The following FASTKD1 variants were observed in gnomAD, a reference collection of about 807,000 sequenced individuals.
FASTKD1 encodes the protein FAST kinase domains 1, also known as FAST kinase domain-containing protein 1, mitochondrial.
In FASTKD1, 94 loss-of-function variants were observed where a neutral mutation model predicts 90.9. The observed-to-expected ratio is 1.03, with a 90% CI of 0.88 to 1.23. The LOEUF is 1.23. FASTKD1 is among the 50% of genes most tolerant of loss of function. FASTKD1 has a pLI of 0.00. For missense variants in FASTKD1, 945 were observed against 993.5 expected (o/e 0.95, Z 0.66); for synonymous variants, 319 against 345.8 (o/e 0.92, Z 0.86).
Position 169,537,233 on chromosome 2 carries a change from T to C in FASTKD1, c.2182A>G (p.Lys728Glu). Residue 728 changes from lysine (K) to glutamate (E), a missense_variant, in exon 12 of 15, where the codon AAA becomes GAA. Coordinates refer to ENST00000453153, the MANE Select transcript of FASTKD1 (RefSeq NM_024622.6). ...AACCTACCCAATAACTTACCTACTT[T>C]GTGGTAATAAGGCGTAAGAACCGAG... ...KASVLTPYYH[K>E]VDFECILDKR... 6.3e-7 allele frequency: 1 copy of C among 1,583,640 alleles called. No homozygotes were observed. Among genetic ancestry groups the C allele is most frequent in the Non-Finnish European group, 8.7e-7 (1 of 1,152,828 alleles).
intron 2 of FASTKD1, 128 bp from the exon 3 acceptor site, chr2:169,569,380 T>C: frequency 1.2e-6 from 1 of 814,892 alleles, no homozygotes; most frequent in Non-Finnish European, 2.0e-6. Context: ...TCCTTATTTC[T>C]GGTCCACTCT....
At chr2:169,530,937 T>G (rs1031461738) in intron 13 of FASTKD1, 3 of 695,696 alleles carry the variant, frequency 4.3e-6, no homozygotes, top group Non-Finnish European at 8.0e-6. Context: ...CCAATATATA[T>G]TTACACATGC....
At chr2:169,535,910 A>T (rs1485974574) in intron 12 of FASTKD1, among the ~76,000 whole-genome samples, 1 of 151,522 alleles carries the variant, frequency 6.6e-6, no homozygotes, top group Non-Finnish European at 1.5e-5. Flanking sequence ...AATCCTTCAA[A>T]CATTTTAAAA....
intron 2 of FASTKD1, chr2:169,571,354 G>C (rs2105446689): frequency 5.9e-6 from 1 of 169,970 alleles, no homozygotes. Flanking sequence ...ACAAGGTCAG[G>C]AGATCAAGAC....
chr2:169,534,563 G>T (rs999238291), intron 12 of FASTKD1, among the ~76,000 whole-genome samples: 2 of 148,984 alleles, frequency 1.3e-5, no homozygotes, highest in Non-Finnish European at 3.0e-5. Context: ...GGGTTCAAGC[G>T]ATTCTCCTGC....
rs757563259 is a variant in FASTKD1, at chr2:169,531,429, T to C, written c.2250A>G (p.Ala750=). The part of the protein sequence containing the change: ...KPLPYGSHNI[A]LGQLPEMPWE... ...AGGGCATTTCTGGTAGTTGTCCCAA[T>C]GCTATATTATGGCTTCCATACGGAA... is the stretch of plus-strand genomic sequence containing the variant. Residue 750 remains alanine, a synonymous_variant, in exon 13 of 15, where the codon GCA becomes GCG. Transcript: ENST00000453153. The C allele has an allele frequency of 6.2e-7, 1 of 1,612,538 alleles. No homozygotes were observed. Among genetic ancestry groups the C allele is most frequent in the Admixed American group, 1.7e-5 (1 of 59,988 alleles).
At chr2:169,537,076 A>G (rs2105338346) in intron 12 of FASTKD1, 151 bp downstream of exon 12, 2 of 537,724 alleles carry the variant, frequency 3.7e-6, no homozygotes, top group Non-Finnish European at 6.5e-6. Context: ...GATTTATTCT[A>G]TTGCTCTTTC....
intron 7 of FASTKD1, among the ~76,000 whole-genome samples, chr2:169,549,789 T>C (rs192457890): frequency 9.2e-5 from 14 of 152,312 alleles, no homozygotes; most frequent in Non-Finnish European, 1.6e-4. Flanking sequence ...TAAATTAGCA[T>C]ACTAAAATAA....
chr2:169,530,929 A>T (rs1027947312), intron 13 of FASTKD1: 1 of 698,624 alleles, frequency 1.4e-6, no homozygotes, highest in Non-Finnish European at 2.6e-6. Context: ...TTTTTGGTCC[A>T]ATATATATTT....
intron 2 of FASTKD1, among the ~76,000 whole-genome samples, chr2:169,569,822 G>C (rs1684151416): frequency 6.6e-6 from 1 of 152,148 alleles, no homozygotes; most frequent in Non-Finnish European, 1.5e-5. Flanking sequence ...CTGCACTCCA[G>C]CCTCGGTGAC....
At chr2:169,564,250 C>T (rs1044609427) in intron 3 of FASTKD1, among the ~76,000 whole-genome samples, 1 of 151,894 alleles carries the variant, frequency 6.6e-6, no homozygotes, top group Non-Finnish European at 1.5e-5. Context: ...TATAAAAAGA[C>T]CTTTATAAGA....
intron 7 of FASTKD1, 109 bp downstream of exon 7, chr2:169,555,015 C>T (rs1261893558): frequency 1.1e-5 from 11 of 969,392 alleles, no homozygotes; most frequent in Non-Finnish European, 1.4e-5. Flanking sequence ...TACTAATAAG[C>T]TTCACAATTT....
At position 169,546,216 on chromosome 2, in the gene FASTKD1, AC is replaced by A. The variant is rs1685183027; in HGVS notation, c.1701+1del. 2.0e-6 allele frequency: 3 copies of A among 1,536,044 alleles called. No homozygotes were observed. Among genetic ancestry groups the A allele is most frequent in the Non-Finnish European group, 2.6e-6 (3 of 1,143,658 alleles). ...AATTAATGTCTACCATTTAAATTTC[AC>A]CTTTTCAATCTGCTGAACAGCCACT... On this transcript the variant is annotated splice_donor_variant, in intron 8 of 14. Transcript: ENST00000453153. LOFTEE classifies it high-confidence loss of function.
rs939557834 is a variant in FASTKD1 at position 169,562,028 on chromosome 2, T to C, written c.572+1197A>G. On this transcript the variant is annotated intron_variant, in intron 4 of 14. Transcript: ENST00000453153. ...TCATTAATTTATTGTAAATTAATTA[T>C]TTATTAATTTATTGTAAATTAATTA... 2.6e-5 allele frequency among the ~76,000 whole-genome samples: 3 copies of C among 116,426 alleles called. 1 individual carries two copies. Among genetic ancestry groups the C allele is most frequent in the African/African-American group, 9.9e-5 (3 of 30,212 alleles). 76.4% of individuals were successfully genotyped at this position (116,426 alleles called of 152,430 possible).
intron 3 of FASTKD1, among the ~76,000 whole-genome samples, chr2:169,567,985 T>C (rs146739646): frequency 6.6e-6 from 1 of 152,346 alleles, no homozygotes; most frequent in African/African-American, 2.4e-5. Flanking sequence ...GCTTCTGATA[T>C]ATAATTAGAG....
chr2:169,543,886 G>C (rs1365976316), intron 9 of FASTKD1, among the ~76,000 whole-genome samples: 2 of 151,752 alleles, frequency 1.3e-5, no homozygotes, highest in African/African-American at 4.8e-5. Context: ...AGACTGAAGA[G>C]ATAACAACCA....
Position 169,562,148 on chromosome 2 carries a change from A to G in FASTKD1, c.572+1077T>C, listed in dbSNP as rs867463041. Among the ~76,000 whole-genome samples, 45 of 144,656 alleles carry G rather than the reference A, an allele frequency of 3.1e-4. 15 individuals carry two copies. The South Asian group carries it at 7.4e-3, about 24-fold the overall frequency. The allele number at this position is 144,656 out of a possible 152,430, so 94.9% of individuals were successfully genotyped here. ...AATTAATTATTTATTAATTTATTGT[A>G]AATTAATTATTTATTAATTTATTTT... is the stretch of plus-strand genomic sequence containing the variant. On this transcript the variant is annotated intron_variant, in intron 4 of 14. Coordinates refer to ENST00000453153, the MANE Select transcript of FASTKD1 (RefSeq NM_024622.6).
intron 5 of FASTKD1, among the ~76,000 whole-genome samples, chr2:169,559,339 T>C (rs1279043680): frequency 6.6e-6 from 1 of 152,128 alleles, no homozygotes; most frequent in Non-Finnish European, 1.5e-5. Context: ...TGATACAGAT[T>C]CCCCTATTGT....
chr2:169,545,492 ACT>A (rs1685151100), intron 8 of FASTKD1, among the ~76,000 whole-genome samples: 1 of 152,194 alleles, frequency 6.6e-6, no homozygotes, highest in Non-Finnish European at 1.5e-5. Flanking sequence ...TGTGAGAAAC[ACT>A]GTCTTTTAAA....
Sources: allele counts gnomAD v4.1 joint callset (sites outside exome capture counted in the v4.1 genomes callset), GRCh38; gene constraint gnomAD v4.1.1; transcripts MANE v1.5; gene names NCBI Gene and HGNC (gene_info 2026-07-23, HGNC 2026-07-21).